The following NEB variants were observed in gnomAD, a reference collection of about 807,000 sequenced individuals.
NEB encodes the protein nemaline myopathy type 2.
NEB carries 512 observed loss-of-function variants against 952.2 expected under a neutral mutation model. The ratio of observed to expected loss-of-function variants is 0.54; its 90% CI spans 0.50 to 0.58. The LOEUF is 0.58. Ranked by LOEUF, NEB falls within the 20% of genes least tolerant of loss-of-function variation. The probability of loss-of-function intolerance (pLI) is 0.00; values close to 1 mark genes in which losing one functional copy is unlikely to be tolerated. For synonymous variants in NEB, 2,900 were observed against 3,149.8 expected (o/e 0.92, Z 2.66); for missense variants, 8,428 against 9,231.1 (o/e 0.91, Z 3.56).
intron 63 of NEB, among the ~76,000 whole-genome samples, chr2:151,638,713 A>T (rs1194666183): frequency 6.6e-6 from 1 of 152,122 alleles, no homozygotes; most frequent in Non-Finnish European, 1.5e-5. Context: ...CTAAGCCTCT[A>T]TGATTCTGGA....
chr2:151,488,673 T>A (rs2053382748), intron 181 of NEB, among the ~76,000 whole-genome samples: 1 of 152,004 alleles, frequency 6.6e-6, no homozygotes, highest in Non-Finnish European at 1.5e-5. Context: ...TATTCTGTAT[T>A]ATTCTTTGTA....
chr2:151,620,017 G>A (rs901949340), intron 72 of NEB, among the ~76,000 whole-genome samples: 2 of 152,010 alleles, frequency 1.3e-5, no homozygotes, highest in Non-Finnish European at 2.9e-5. Flanking sequence ...GAAATGAAGA[G>A]TCCAATTACA....
intron 167 of NEB, among the ~76,000 whole-genome samples, chr2:151,501,792 C>T (rs942309677): frequency 1.3e-5 from 2 of 151,916 alleles, no homozygotes; most frequent in Non-Finnish European, 2.9e-5. Flanking sequence ...AATTAATATC[C>T]ATGAGTTGTT....
At chr2:151,545,864 C>T in intron 135 of NEB, 24 bp downstream of exon 135, 2 of 1,417,190 alleles carry the variant, frequency 1.4e-6, no homozygotes, top group Non-Finnish European at 2.0e-6. Flanking sequence ...TGATTGACTT[C>T]AATGACAAGT....
At chr2:151,569,189 A>T in intron 110 of NEB, 79 bp downstream of exon 110, 1 of 1,135,522 alleles carries the variant, frequency 8.8e-7, no homozygotes, top group Non-Finnish European at 1.3e-6. Flanking sequence ...TGCTGATATT[A>T]GATGACTATA....
At chr2:151,708,464 C>T (rs1361545961) in intron 12 of NEB, among the ~76,000 whole-genome samples, 1 of 152,118 alleles carries the variant, frequency 6.6e-6, no homozygotes, top group African/African-American at 2.4e-5. Flanking sequence ...CCTTCACTTG[C>T]TTCCCAACGC....
intron 28 of NEB, among the ~76,000 whole-genome samples, 195 bp from the exon 29 acceptor site, chr2:151,682,964 G>A (rs969594520): frequency 1.3e-5 from 2 of 152,088 alleles, no homozygotes; most frequent in South Asian, 4.1e-4. Context: ...TCTAACTGGC[G>A]TTATGTTCCA....
At chr2:151,616,476 G>A (rs1309388985) in intron 75 of NEB, among the ~76,000 whole-genome samples, 1 of 152,080 alleles carries the variant, frequency 6.6e-6, no homozygotes, top group East Asian at 1.9e-4. Context: ...ATCACCTGAG[G>A]TCATGAGTTT....
chr2:151,529,166 C>T, intron 146 of NEB, 44 bp downstream of exon 146: 1 of 1,313,938 alleles, frequency 7.6e-7, no homozygotes, highest in Non-Finnish European at 1.1e-6. Flanking sequence ...CCTACAGAAG[C>T]TGGTAAATCC....
intron 165 of NEB, among the ~76,000 whole-genome samples, chr2:151,503,829 G>C (rs913648226): frequency 2.8e-4 from 42 of 152,048 alleles, no homozygotes; most frequent in African/African-American, 9.9e-4. Flanking sequence ...TCCAATCATA[G>C]GATACTCTAT....
At chr2:151,623,784 AT>A (rs1325443664) in intron 71 of NEB, among the ~76,000 whole-genome samples, 1 of 152,114 alleles carries the variant, frequency 6.6e-6, no homozygotes, top group Non-Finnish European at 1.5e-5. Context: ...TACTTTATTT[AT>A]TACATTTTTT....
intron 5 of NEB, among the ~76,000 whole-genome samples, chr2:151,727,062 A>AC (rs1326772391): frequency 6.6e-6 from 1 of 151,980 alleles, no homozygotes; most frequent in Non-Finnish European, 1.5e-5. Context: ...TTAAAAAAAA[A>AC]AAAAAAAACC....
Position 151,697,145 on chromosome 2 carries a change from T to TA in NEB, c.1470+2dup, listed in dbSNP as rs1477702016. 2.5e-6 allele frequency: 4 copies of TA among 1,608,460 alleles called. No individual in the cohort carries two copies. Among genetic ancestry groups the TA allele is most frequent in the African/African-American group, 1.3e-5 (1 of 74,736 alleles). ...ACATTCAAAGTTCAGACTACAGACT[T>TA]ACGTCTTTACACTGATCTAGTTTCT... is the stretch of plus-strand genomic sequence containing the variant. On this transcript the variant is annotated splice_region_variant and intron_variant, in intron 16 of 181. Transcript: ENST00000397345.
At chr2:151,658,176 C>CTT (rs67239108) in intron 47 of NEB, 86 bp from the exon 48 acceptor site, 19 of 964,852 alleles carry the variant, frequency 2.0e-5, no homozygotes, top group Non-Finnish European at 2.1e-5. Flanking sequence ...ACTGTGGCGT[C>CTT]TTTTTTTTTG....
At chr2:151,650,037 A>G in intron 54 of NEB, 139 bp downstream of exon 54, 2 of 805,734 alleles carry the variant, frequency 2.5e-6, no homozygotes, top group Non-Finnish European at 3.9e-6. Context: ...TAATTCAAAT[A>G]AAATGATCCA....
At chr2:151,672,154 T>G (rs2099309065) in intron 37 of NEB, among the ~76,000 whole-genome samples, 1 of 152,200 alleles carries the variant, frequency 6.6e-6, no homozygotes, top group African/African-American at 2.4e-5. Flanking sequence ...CTTTTATCCA[T>G]AAGTTAATAA....
chr2:151,610,711 A>G, intron 79 of NEB, 51 bp downstream of exon 79: 1 of 1,584,238 alleles, frequency 6.3e-7, no homozygotes. Flanking sequence ...TACGGTGGAA[A>G]AAGCATTTTA....
At chr2:151,716,327 A>G (rs1027618473) in intron 10 of NEB, among the ~76,000 whole-genome samples, 1 of 152,056 alleles carries the variant, frequency 6.6e-6, no homozygotes, top group Non-Finnish European at 1.5e-5. Flanking sequence ...GTTAGTAGAG[A>G]TGGGGTTTCA....
At chr2:151,528,268 C>T (rs1321370042) in intron 146 of NEB, among the ~76,000 whole-genome samples, 1 of 152,160 alleles carries the variant, frequency 6.6e-6, no homozygotes, top group Non-Finnish European at 1.5e-5. Context: ...TTGGGAGGAG[C>T]CTGCACTATT....
Sources: gnomAD v4.1 joint callset for allele counts (sites outside exome capture counted in the v4.1 genomes callset) on GRCh38, gnomAD v4.1.1 for gene constraint, MANE v1.5 for transcripts, NCBI Gene and HGNC (gene_info 2026-07-23, HGNC 2026-07-21) for gene names.